The following CTNNA2 variants were observed in gnomAD, a reference collection of about 807,000 sequenced individuals.
CTNNA2 encodes catenin alpha-2.
A neutral mutation model predicts 101.0 loss-of-function variants in CTNNA2; 42 were observed. That is an observed-to-expected ratio of 0.42 (90% CI 0.32 to 0.54). The LOEUF is 0.54. CTNNA2 is among the 20% of genes least tolerant of loss of function. The pLI is 0.14. For missense variants in CTNNA2, 871 were observed against 1,223.1 expected (o/e 0.71, Z 4.29); for synonymous variants, 450 against 456.4 (o/e 0.99, Z 0.18).
intron 7 of CTNNA2, among the ~76,000 whole-genome samples, chr2:80,047,100 T>C (rs1696580130): frequency 6.6e-6 from 1 of 152,134 alleles, no homozygotes; most frequent in Non-Finnish European, 1.5e-5. Flanking sequence ...GTTGAAAATC[T>C]CTGGCCTAGA....
At chr2:79,639,466 T>C (rs1245618250) in intron 1 of CTNNA2, among the ~76,000 whole-genome samples, 5 of 152,006 alleles carry the variant, frequency 3.3e-5, no homozygotes, top group African/African-American at 9.7e-5. Context: ...TGAGAAGCAT[T>C]AGATTCTTGC....
intron 2 of CTNNA2, among the ~76,000 whole-genome samples, chr2:79,706,327 C>T (rs1425802790): frequency 1.4e-5 from 2 of 138,414 alleles, no homozygotes; most frequent in Admixed American, 8.1e-5. Flanking sequence ...CACGCCACTG[C>T]ACTCCGCCCT....
At chr2:80,590,050 G>A (rs1031958806) in intron 15 of CTNNA2, among the ~76,000 whole-genome samples, 19 of 152,208 alleles carry the variant, frequency 1.2e-4, no homozygotes, top group African/African-American at 4.6e-4. Context: ...AATTAAAGTT[G>A]TATAAGATTT....
intron 2 of CTNNA2, among the ~76,000 whole-genome samples, chr2:79,275,375 C>A (rs932593765): frequency 6.6e-6 from 1 of 151,912 alleles, no homozygotes; most frequent in Non-Finnish European, 1.5e-5. Context: ...TAAAAAAATA[C>A]AGATTAATTT....
intron 7 of CTNNA2, among the ~76,000 whole-genome samples, chr2:80,336,647 A>C (rs182902109): frequency 4.6e-5 from 7 of 152,354 alleles, no homozygotes; most frequent in Non-Finnish European, 1.0e-4. Flanking sequence ...TTCCATTTTA[A>C]AAATTTCAAA....
intron 7 of CTNNA2, among the ~76,000 whole-genome samples, chr2:80,212,803 T>C (rs1707987365): frequency 6.6e-6 from 1 of 152,158 alleles, no homozygotes; most frequent in Non-Finnish European, 1.5e-5. Flanking sequence ...AGCTCTTCCT[T>C]GTACCTCTGG....
rs189333658 is a variant in CTNNA2, at chr2:79,378,147, C to T, written c.-135+4134C>T. Among the ~76,000 whole-genome samples, 7 of 152,158 alleles carry T rather than the reference C, an allele frequency of 4.6e-5. No individual in the cohort carries two copies. In the East Asian group the frequency reaches 1.4e-3, roughly 29 times the overall value. On this transcript the variant is annotated intron_variant, in intron 4 of 21. Coordinates refer to the CTNNA2 transcript ENST00000466387. ...TACACACTATGATGACTATTGTATACATGCTTAAGTATAAGGTATAATTTT... is the reference window on the plus strand; with the variant it reads ...TACACACTATGATGACTATTGTATATATGCTTAAGTATAAGGTATAATTTT...
intron 2 of CTNNA2, among the ~76,000 whole-genome samples, chr2:79,308,925 A>G (rs960273026): frequency 4.6e-5 from 7 of 151,864 alleles, no homozygotes; most frequent in African/African-American, 9.7e-5. Context: ...TTACTCTTTC[A>G]GATACAATCT....
chr2:79,736,415 A>G (rs1245892348), intron 2 of CTNNA2, among the ~76,000 whole-genome samples: 1 of 152,238 alleles, frequency 6.6e-6, no homozygotes, highest in African/African-American at 2.4e-5. Flanking sequence ...ATTACTTGGC[A>G]GTTAATTTTT....
intron 2 of CTNNA2, among the ~76,000 whole-genome samples, chr2:79,690,881 G>T (rs957169984): frequency 1.3e-5 from 2 of 151,994 alleles, no homozygotes; most frequent in African/African-American, 2.4e-5. Context: ...TTAACAGGTT[G>T]CATTAGGTGG....
chr2:79,690,956 A>G (rs967346413), intron 2 of CTNNA2, among the ~76,000 whole-genome samples: 48 of 152,160 alleles, frequency 3.2e-4, no homozygotes, highest in African/African-American at 1.1e-3. Flanking sequence ...CCCATTATGA[A>G]CATGATATCA....
At chr2:80,240,351 G>A (rs149174073) in intron 7 of CTNNA2, among the ~76,000 whole-genome samples, 8 of 152,264 alleles carry the variant, frequency 5.3e-5, no homozygotes, top group African/African-American at 1.7e-4. Context: ...AACTTCTATG[G>A]TGTTAATGCT....
At chr2:80,378,406 A>ATAAC (rs1265975313) in intron 7 of CTNNA2, among the ~76,000 whole-genome samples, 3 of 141,592 alleles carry the variant, frequency 2.1e-5, no homozygotes, top group Non-Finnish European at 4.7e-5. Flanking sequence ...AAATAAATAA[A>ATAAC]TAACAGAGAA....
intron 7 of CTNNA2, among the ~76,000 whole-genome samples, chr2:80,124,496 C>T (rs1172437433): frequency 6.6e-6 from 1 of 152,132 alleles, no homozygotes; most frequent in African/African-American, 2.4e-5. Flanking sequence ...CCAAATATAA[C>T]TTCATATTCT....
intron 7 of CTNNA2, among the ~76,000 whole-genome samples, chr2:80,376,429 T>A (rs1675956758): frequency 6.6e-6 from 1 of 151,486 alleles, no homozygotes; most frequent in South Asian, 2.1e-4. Flanking sequence ...AGAGATGAAG[T>A]TCCTAATTGA....
chr2:79,465,304 T>A (rs1379415422), intron 4 of CTNNA2, among the ~76,000 whole-genome samples: 1 of 152,162 alleles, frequency 6.6e-6, no homozygotes, highest in Non-Finnish European at 1.5e-5. Context: ...AGATGTGTCA[T>A]ATTATTTTTG....
chr2:79,996,988 G>A (rs907505466), intron 7 of CTNNA2, among the ~76,000 whole-genome samples: 6 of 152,076 alleles, frequency 3.9e-5, no homozygotes, highest in African/African-American at 1.2e-4. Context: ...GGGAAAGAAG[G>A]GCAGACATGG....
In CTNNA2 at chr2:80,269,131, G is replaced by T. The variant is rs115740724; in HGVS notation, c.1057-124080G>T. On this transcript the variant is annotated intron_variant, in intron 7 of 18. Transcript: ENST00000402739. ...ACAACTTGAATTTTTATATTAAAAG[G>T]TGATATAGTTTGGCTGTGTTCCCAC... 9.1e-3 allele frequency among the ~76,000 whole-genome samples: 1,387 copies of T among 152,260 alleles called. 22 individuals are homozygous for T. The highest frequency in any genetic ancestry group is 0.032 in the African/African-American group (1,315 of 41,546).
intron 7 of CTNNA2, among the ~76,000 whole-genome samples, chr2:79,988,629 C>T (rs1332947677): frequency 6.6e-6 from 1 of 152,082 alleles, no homozygotes; most frequent in Non-Finnish European, 1.5e-5. Context: ...TATTTTACAA[C>T]CAAAGAAACT....
Sources: allele counts gnomAD v4.1 joint callset (sites outside exome capture counted in the v4.1 genomes callset), GRCh38; gene constraint gnomAD v4.1.1; transcripts MANE v1.5; gene names NCBI Gene and HGNC (gene_info 2026-07-23, HGNC 2026-07-21).